Variants in MOB3B observed in about 807,000 individuals in gnomAD.
MOB3B encodes MOB kinase activator-like 2B.
MOB3B carries 7 observed loss-of-function variants against 18.7 expected under a neutral mutation model. That is an observed-to-expected ratio of 0.37 (90% CI 0.21 to 0.70). MOB3B has a LOEUF of 0.70. Among genes scored for constraint, MOB3B ranks in the 30% least tolerant of loss-of-function variants. The probability of loss-of-function intolerance (pLI) is 0.52; values close to 1 mark genes in which losing one functional copy is unlikely to be tolerated. For synonymous variants in MOB3B, 111 were observed against 99.9 expected, an observed-to-expected ratio of 1.11 and a Z score of -0.66; for missense variants, 253 against 281.3, an observed-to-expected ratio of 0.90 and a Z score of 0.72.
intron 2 of MOB3B, among the ~76,000 whole-genome samples, chr9:27,424,506 C>T (rs1242694224): frequency 6.6e-6 from 1 of 152,162 alleles, no homozygotes; most frequent in African/African-American, 2.4e-5. Context: ...TTATATGAAT[C>T]AAACCCCAGA....
intron 2 of MOB3B, among the ~76,000 whole-genome samples, chr9:27,445,435 G>GA (rs56671190): frequency 0.14 from 20,877 of 151,994 alleles, 1,819 homozygotes; most frequent in Middle Eastern, 0.22. Flanking sequence ...CTGGAAAACA[G>GA]AAAAAAGCCA....
Position 27,472,239 on chromosome 9 carries a change from CA to C in MOB3B, c.-198-16492del, listed in dbSNP as rs147452129. 5.0e-3 allele frequency among the ~76,000 whole-genome samples: 716 copies of C among 144,002 alleles called. 5 individuals are homozygous for C. The highest frequency in any genetic ancestry group is 0.018 in the African/African-American group (680 of 38,670). 94.5% of individuals were successfully genotyped at this position (144,002 alleles called of 152,430 possible). On this transcript the variant is annotated intron_variant, in intron 1 of 3. Transcript: ENST00000262244. ...TCCCACACTATTTTTTTTTTAATGA[CA>C]AGTAAGGGTGACACCACTTTTCTTA...
At chr9:27,409,422 T>TA (rs549086775) in intron 2 of MOB3B, among the ~76,000 whole-genome samples, 2 of 152,078 alleles carry the variant, frequency 1.3e-5, no homozygotes, top group African/African-American at 2.4e-5. Flanking sequence ...ATCAAGAAGA[T>TA]AAAAAAATAA....
chr9:27,419,421 G>C (rs1349065799), intron 2 of MOB3B, among the ~76,000 whole-genome samples: 1 of 152,174 alleles, frequency 6.6e-6, no homozygotes, highest in East Asian at 1.9e-4. Context: ...TAAGGGCATA[G>C]TCACCAAAAC....
At chr9:27,502,039 T>G (rs1366538691) in intron 1 of MOB3B, among the ~76,000 whole-genome samples, 1 of 152,234 alleles carries the variant, frequency 6.6e-6, no homozygotes, top group African/African-American at 2.4e-5. Context: ...TCCCTTTTTT[T>G]GCCATCAATT....
chr9:27,370,998 G>T (rs78906338), intron 2 of MOB3B, among the ~76,000 whole-genome samples: 1 of 152,292 alleles, frequency 6.6e-6, no homozygotes, highest in African/African-American at 2.4e-5. Context: ...TGCAGATCTC[G>T]GAGAGAAACG....
intron 2 of MOB3B, among the ~76,000 whole-genome samples, chr9:27,417,225 G>A (rs1371064911): frequency 3.3e-5 from 5 of 152,120 alleles, no homozygotes; most frequent in Admixed American, 1.3e-4. Context: ...TTAGCCAGGC[G>A]TGGTGGCGGG....
Position 27,529,777 on chromosome 9 carries a change from T to A in MOB3B, c.-421A>T, listed in dbSNP as rs1820502799. 4.1e-6 allele frequency: 4 copies of A among 985,142 alleles called. No individual in the cohort carries two copies. The highest frequency in any genetic ancestry group is 4.8e-6 in the Non-Finnish European group (4 of 829,956). 61.0% of individuals were successfully genotyped at this position (985,142 alleles called of 1,614,324 possible). A position where few individuals can be genotyped will look rare whatever the true frequency, so the allele number is the denominator to read the frequency against. ...CCGTCGCTCCGGAGCAGCCCCCTCATGCACCCAGCGCGCCGCGCAGCCGGC... is the reference window on the plus strand; with the variant it reads ...CCGTCGCTCCGGAGCAGCCCCCTCAAGCACCCAGCGCGCCGCGCAGCCGGC... On this transcript the variant is annotated 5_prime_UTR_variant, in exon 1 of 4. The change abolishes an upstream ATG in the 5' untranslated region. Transcript: ENST00000262244.
chr9:27,343,345 C>A (rs7019631), intron 3 of MOB3B, among the ~76,000 whole-genome samples: 20,782 of 150,736 alleles, frequency 0.14, 2,391 homozygotes, highest in African/African-American at 0.32. Context: ...TGCGGAAGGC[C>A]GCGGGGTCCT....
rs35317203 is a variant in MOB3B, at chr9:27,511,216, C to CAA, written c.-199+18337_-199+18338dup. Among the ~76,000 whole-genome samples, 481 of 145,804 alleles carry CAA rather than the reference C, an allele frequency of 3.3e-3. 10 individuals carry two copies. In the East Asian group the frequency reaches 0.04, roughly 12 times the overall value. ...TTAGGTAAAACATTTTCATCTTTGA[C>CAA]AAAAAAAAAAAGAAAGAAAGAAAAA... On this transcript the variant is annotated intron_variant, in intron 1 of 3. Coordinates refer to ENST00000262244, the MANE Select transcript of MOB3B (RefSeq NM_024761.5).
intron 3 of MOB3B, among the ~76,000 whole-genome samples, chr9:27,334,751 A>C (rs752927773): frequency 6.6e-6 from 1 of 152,250 alleles, no homozygotes; most frequent in Non-Finnish European, 1.5e-5. Flanking sequence ...GACTTAGGCA[A>C]GACTACAAAG....
chr9:27,333,361 A>AC (rs949300268), intron 3 of MOB3B, among the ~76,000 whole-genome samples: 3 of 152,000 alleles, frequency 2.0e-5, no homozygotes, highest in Non-Finnish European at 4.4e-5. Flanking sequence ...CTGTTAAAAA[A>AC]AAAAACTCGT....
chr9:27,506,715 A>C (rs1587265743), intron 1 of MOB3B, among the ~76,000 whole-genome samples: 2 of 151,322 alleles, frequency 1.3e-5, no homozygotes, highest in East Asian at 3.9e-4. Flanking sequence ...TAATTTTAGT[A>C]GAGACGGGGT....
chr9:27,416,087 T>C (rs1319716939), intron 2 of MOB3B, among the ~76,000 whole-genome samples: 1 of 152,236 alleles, frequency 6.6e-6, no homozygotes, highest in Non-Finnish European at 1.5e-5. Flanking sequence ...TATTTGGGGT[T>C]AATACAATTT....
intron 1 of MOB3B, among the ~76,000 whole-genome samples, chr9:27,528,617 G>A (rs1820477801): frequency 2.0e-5 from 3 of 152,238 alleles, no homozygotes; most frequent in Admixed American, 2.0e-4. Context: ...CGGGGAGGGG[G>A]ACCAGAGGGG....
rs377273446 is a variant in MOB3B at position 27,400,250 on chromosome 9, T to C, written c.419-41014A>G. Among the ~76,000 whole-genome samples, 4 of 152,354 alleles carry C rather than the reference T, an allele frequency of 2.6e-5. No homozygotes were observed. The East Asian group carries it at 5.8e-4, about 22-fold the overall frequency. ...TGACAGAGAATAATAATACTTACAG[T>C]AATTATTGATTGTATTGTTAATTGT... On this transcript the variant is annotated intron_variant, in intron 2 of 3. Transcript: ENST00000262244.
At chr9:27,422,580 T>C (rs1822271289) in intron 2 of MOB3B, among the ~76,000 whole-genome samples, 2 of 152,264 alleles carry the variant, frequency 1.3e-5, no homozygotes, top group African/African-American at 4.8e-5. Context: ...TGGCAATATG[T>C]AGTTTTATGT....
At chr9:27,441,080 G>A (rs529229822) in intron 2 of MOB3B, among the ~76,000 whole-genome samples, 1 of 152,196 alleles carries the variant, frequency 6.6e-6, no homozygotes, top group East Asian at 1.9e-4. Context: ...CTGACAGGAG[G>A]CTGAGATCAA....
chr9:27,350,049 A>C (rs1821083184), intron 3 of MOB3B, among the ~76,000 whole-genome samples: 1 of 152,214 alleles, frequency 6.6e-6, no homozygotes, highest in Non-Finnish European at 1.5e-5. Context: ...TAGCCACTAG[A>C]CATGTGGCTT....
Sources: allele counts gnomAD v4.1 joint callset (sites outside exome capture counted in the v4.1 genomes callset), GRCh38; gene constraint gnomAD v4.1.1; transcripts MANE v1.5; gene names NCBI Gene and HGNC (gene_info 2026-07-23, HGNC 2026-07-21).